Variants in ZBTB9 observed in about 807,000 individuals in gnomAD.
The protein encoded by ZBTB9 is zinc finger and BTB domain containing 9.
Under a neutral mutation model 26.3 loss-of-function variants are expected in ZBTB9, and 17 were observed. That is an observed-to-expected ratio of 0.65 (90% confidence interval 0.44 to 0.97). ZBTB9 has a LOEUF of 0.97. Among genes scored for constraint, ZBTB9 ranks in the 50% least tolerant of loss-of-function variants. The pLI, the probability that ZBTB9 is intolerant of heterozygous loss-of-function variation, is 0.00. For missense variants in ZBTB9, 510 were observed against 594.2 expected (o/e 0.86, Z 1.47); for synonymous variants, 226 against 234.3 (o/e 0.96, Z 0.32).
chr6:33,455,695 G>A lies in ZBTB9; in HGVS notation c.595G>A (p.Glu199Lys). The change falls in exon 2 of 2, where the codon GAG becomes AAG. Residue 199 changes from glutamate (E) to lysine (K), a missense_variant. Transcript: ENST00000395064. ...PASTESPVGGEGSELGEVLQI... is the reference protein window; with the variant it reads ...PASTESPVGGKGSELGEVLQI... ...TTCCACTGAGAGCCCTGTGGGAGGG[G>A]AGGGAAGTGAACTGGGAGAAGTGCT... 1 of 1,614,210 alleles carries A rather than the reference G, an allele frequency of 6.2e-7. No individual in the cohort carries two copies. The highest frequency in any genetic ancestry group is 1.3e-5 in the African/African-American group (1 of 75,056).
rs748613142 is a variant in ZBTB9 at position 33,455,389 on chromosome 6, G to A, written c.289G>A (p.Glu97Lys). 2 of 1,614,070 alleles carry A rather than the reference G, an allele frequency of 1.2e-6. No homozygotes were observed. The highest frequency in any genetic ancestry group is 1.1e-5 in the South Asian group (1 of 91,076). ...GAGTGTCATTGAAGCCGATGCCTTC[G>A]AGGGGCTGCTCCAGCTCATTTATTC... is the stretch of plus-strand genomic sequence containing the variant. ...LPSVIEADAF[E>K]GLLQLIYSGR... Residue 97 changes from glutamate (E) to lysine (K), a missense_variant, in exon 2 of 2, where the codon GAG (glutamate) becomes AAG (lysine). Glu to Lys is a moderately conservative substitution (Grantham distance 56). This residue lies in a region of ZBTB9 where 439 missense variants were observed against 460.4 expected (regional missense o/e 0.95). Coordinates refer to ENST00000395064, the MANE Select transcript of ZBTB9 (RefSeq NM_152735.4).
At chr6:33,453,652 G>GA (rs1049438588), upstream of ZBTB9, 1 of 151,294 alleles carries the variant, frequency 6.6e-6, no homozygotes, top group Admixed American at 6.6e-5. Flanking sequence ...TGGTGAAACA[G>GA]AAAAAAACAT....
upstream of ZBTB9, chr6:33,453,806 A>T (rs945253567): frequency 2.0e-5 from 3 of 151,238 alleles, no homozygotes; most frequent in African/African-American, 7.3e-5. Context: ...CTGATGCCAC[A>T]CTCTCCTCAT....
rs1376455729 is a variant in ZBTB9 at position 33,454,696 on chromosome 6, G to A, written c.-151G>A. 2.1e-5 allele frequency: 5 copies of A among 243,254 alleles called. No individual in the cohort carries two copies. Among genetic ancestry groups the A allele is most frequent in the Non-Finnish European group, 4.0e-5 (5 of 126,554 alleles). The allele number at this position is 243,254 out of a possible 1,614,324, so 15.1% of individuals were successfully genotyped here. ...GGGCCGGGACTCGCGGTGTCCGGGTGACCGCGGCTTCCCGGGAGCAGACCT... is the reference window on the plus strand; with the variant it reads ...GGGCCGGGACTCGCGGTGTCCGGGTAACCGCGGCTTCCCGGGAGCAGACCT... On this transcript the variant is annotated 5_prime_UTR_variant, in exon 1 of 2. Transcript: ENST00000395064.
chr6:33,457,223 C>A lies in ZBTB9; in HGVS notation c.*701C>A, dbSNP rs897372670. 4 of 167,082 alleles carry A rather than the reference C, an allele frequency of 2.4e-5. No individual in the cohort carries two copies. Among genetic ancestry groups the A allele is most frequent in the Non-Finnish European group, 5.9e-5 (4 of 68,150 alleles). 10.3% of individuals were successfully genotyped at this position (167,082 alleles called of 1,614,324 possible). On this transcript the variant is annotated 3_prime_UTR_variant, in exon 2 of 2. Coordinates refer to ENST00000395064, the MANE Select transcript of ZBTB9 (RefSeq NM_152735.4). Reference sequence around the variant, plus strand: ...TGTGCCTCTGGTCTACCTTTGACCACCACTGATAACTAATATATTGGTCAC... The same window carrying A: ...TGTGCCTCTGGTCTACCTTTGACCAACACTGATAACTAATATATTGGTCAC...
In ZBTB9 at chr6:33,455,055, C is replaced by G. The variant is rs1234966649; in HGVS notation, c.-46C>G. On this transcript the variant is annotated 5_prime_UTR_variant, in exon 2 of 2. Transcript: ENST00000395064. ...CCTTCATCCCGCGTGGAGTCTACCC[C>G]CAAGCCCTTCTCCTCTTCCCAATTC... 4 of 1,545,020 alleles carry G rather than the reference C, an allele frequency of 2.6e-6. No individual in the cohort carries two copies. The highest frequency in any genetic ancestry group is 3.9e-5 in the Admixed American group (2 of 51,358).
Position 33,456,849 on chromosome 6 carries a change from T to C in ZBTB9, c.*327T>C. ...GGAAACCAGATTTTCAATTATTTAGTGAGAGAAGAGTTAGAGCAAAAGACA... is the reference window on the plus strand; with the variant it reads ...GGAAACCAGATTTTCAATTATTTAGCGAGAGAAGAGTTAGAGCAAAAGACA... On this transcript the variant is annotated 3_prime_UTR_variant, in exon 2 of 2. Transcript: ENST00000395064. This position sits in a 1 kb window ranked among gnomAD's most constrained non-coding sequence, Gnocchi z 5.1. The C allele has an allele frequency of 3.2e-6, 1 of 315,138 alleles. No homozygotes were observed. The highest frequency in any genetic ancestry group is 6.2e-6 in the Non-Finnish European group (1 of 162,294). The allele number at this position is 315,138 out of a possible 1,614,324, so 19.5% of individuals were successfully genotyped here.
At position 33,456,187 on chromosome 6, in the gene ZBTB9, G is replaced by C. The variant is rs767399948; in HGVS notation, c.1087G>C (p.Ala363Pro). 6.2e-7 allele frequency: 1 copy of C among 1,608,612 alleles called. No individual in the cohort carries two copies. The highest frequency in any genetic ancestry group is 8.5e-7 in the Non-Finnish European group (1 of 1,177,366). Residue 363 changes from alanine (A) to proline (P), a missense_variant, in exon 2 of 2, where the codon GCA becomes CCA. Ala to Pro is a conservative substitution (Grantham distance 27). Around this residue, in one of 2 missense-constraint regions of ZBTB9, gnomAD observed 439 missense variants for 460.4 expected, o/e 0.95. Transcript: ENST00000395064. The surrounding 1 kb of genome is among the most constrained non-coding windows in gnomAD (Gnocchi z 5.1). ...GTCAGGGGGTGGAGGACCTGGGGGA[G>C]CAGGCCAGGCCGTGCATGGGCCTGT... ...ILSGGGGPGG[A>P]GQAVHGPVKL...
rs771693572 is a variant in ZBTB9, at chr6:33,456,167, G to C, written c.1067G>C (p.Gly356Ala). 5.0e-6 allele frequency: 8 copies of C among 1,609,054 alleles called. No individual in the cohort carries two copies. In the East Asian group the frequency reaches 8.9e-5, roughly 18 times the overall value. ...VDLHGNEILS[G>A]GGGPGGAGQA... ...CTTCATGGGAATGAAATCCTGTCAGGGGGTGGAGGACCTGGGGGAGCAGGC... is the reference window on the plus strand; with the variant it reads ...CTTCATGGGAATGAAATCCTGTCAGCGGGTGGAGGACCTGGGGGAGCAGGC... Residue 356 changes from glycine to alanine, a missense_variant, in exon 2 of 2, where the codon GGG (glycine) becomes GCG (alanine). Transcript: ENST00000395064. The surrounding 1 kb of genome is among the most constrained non-coding windows in gnomAD (Gnocchi z 5.1).
At position 33,456,231 on chromosome 6, in the gene ZBTB9, C is replaced by T. The variant is rs746193598; in HGVS notation, c.1131C>T (p.Pro377=). 23 of 1,612,710 alleles carry T rather than the reference C, an allele frequency of 1.4e-5. No homozygotes were observed. Among genetic ancestry groups the T allele is most frequent in the Non-Finnish European group, 1.9e-5 (22 of 1,179,604 alleles). The change falls in exon 2 of 2, where the codon CCC becomes CCT. Residue 377 remains proline (P), a synonymous_variant. Coordinates refer to ENST00000395064, the MANE Select transcript of ZBTB9 (RefSeq NM_152735.4). This position sits in a 1 kb window ranked among gnomAD's most constrained non-coding sequence, Gnocchi z 5.1. ...GGCCTGTGAAGCTAGGGGGGACACCCCCTGCAGATGGAAAACGCTTTGGTT... is the reference window on the plus strand; with the variant it reads ...GGCCTGTGAAGCTAGGGGGGACACCTCCTGCAGATGGAAAACGCTTTGGTT... ...VHGPVKLGGT[P]PADGKRFGCL...
Position 33,455,150 on chromosome 6 carries a change from A to G in ZBTB9, c.50A>G (p.Asn17Ser). Residue 17 changes from asparagine (N) to serine (S), a missense_variant, in exon 2 of 2, where the codon AAC becomes AGC. Asn to Ser is a conservative substitution (Grantham distance 46). This residue lies in a region of ZBTB9 where 439 missense variants were observed against 460.4 expected (regional missense o/e 0.95). Transcript: ENST00000395064. ...LPPVPASPTC[N>S]PAPRTIQIEF... The stretch of plus-strand genomic sequence containing the variant: ...CCTGTACCCGCCTCCCCGACCTGCA[A>G]CCCAGCCCCACGGACAATCCAGATC... 6.2e-7 allele frequency: 1 copy of G among 1,613,276 alleles called. No homozygotes were observed. The highest frequency in any genetic ancestry group is 8.5e-7 in the Non-Finnish European group (1 of 1,179,618).
At position 33,457,142 on chromosome 6, in the gene ZBTB9, C is replaced by G; in HGVS notation, c.*620C>G. On this transcript the variant is annotated 3_prime_UTR_variant, in exon 2 of 2. Coordinates refer to ENST00000395064, the MANE Select transcript of ZBTB9 (RefSeq NM_152735.4). ...TAGCTGAGCACTTTAACAAGTTGAG[C>G]ATTCCATGTTTCATTCTTAGAACCT... 6.0e-6 allele frequency: 1 copy of G among 167,168 alleles called. No individual in the cohort carries two copies. The highest frequency in any genetic ancestry group is 1.9e-4 in the East Asian group (1 of 5,208). 10.4% of individuals were successfully genotyped at this position (167,168 alleles called of 1,614,324 possible).
rs200956170 is a variant in ZBTB9 at position 33,455,924 on chromosome 6, C to T, written c.824C>T (p.Pro275Leu). 5 of 1,612,548 alleles carry T rather than the reference C, an allele frequency of 3.1e-6. No individual in the cohort carries two copies. The highest frequency in any genetic ancestry group is 4.2e-6 in the Non-Finnish European group (5 of 1,179,230). The change falls in exon 2 of 2, where the codon CCT becomes CTT. Residue 275 changes from proline to leucine, a missense_variant. Around this residue, in one of 2 missense-constraint regions of ZBTB9, gnomAD observed 439 missense variants for 460.4 expected, o/e 0.95. Coordinates refer to ENST00000395064, the MANE Select transcript of ZBTB9 (RefSeq NM_152735.4). ...AGTGCACCACTTGAGCTTCCTGCCC[C>T]TCCTGCACTGCCCCCCAAAATCTTC... Reference protein sequence around the residue: ...GESAPLELPAPPALPPKIFYI... With the variant: ...GESAPLELPALPALPPKIFYI...
rs768701901 is a variant in ZBTB9, at chr6:33,455,622, G to A, written c.522G>A (p.Ser174=). The change falls in exon 2 of 2, where the codon TCG becomes TCA. Residue 174 remains serine, a synonymous_variant. Coordinates refer to ENST00000395064, the MANE Select transcript of ZBTB9 (RefSeq NM_152735.4). ...SSTGGWCIRS[S]PFQTPVQSSA... is the part of the protein sequence containing the mutation. ...CAGGAGGCTGGTGCATTCGCTCTTC[G>A]CCTTTCCAGACCCCAGTACAGTCCT... The A allele has an allele frequency of 2.5e-6, 4 of 1,613,914 alleles. No individual in the cohort carries two copies. Among genetic ancestry groups the A allele is most frequent in the Non-Finnish European group, 3.4e-6 (4 of 1,179,898 alleles).
chr6:33,455,939 C>T lies in ZBTB9; in HGVS notation c.839C>T (p.Pro280Leu), dbSNP rs1466836900. The change falls in exon 2 of 2, where the codon CCC becomes CTC. Residue 280 changes from proline (P) to leucine (L), a missense_variant. By Grantham distance (98) the Pro-to-Leu change is moderately conservative. Transcript: ENST00000395064. ...LELPAPPALP[P>L]KIFYIKQEPF... ...CTTCCTGCCCCTCCTGCACTGCCCC[C>T]CAAAATCTTCTACATTAAGCAGGAA... 1.2e-6 allele frequency: 2 copies of T among 1,612,084 alleles called. No homozygotes were observed. Among genetic ancestry groups the T allele is most frequent in the African/African-American group, 1.3e-5 (1 of 74,902 alleles).
rs942314289 is a variant in ZBTB9 at position 33,456,452 on chromosome 6, C to G, written c.1352C>G (p.Ala451Gly). 1 of 1,613,982 alleles carries G rather than the reference C, an allele frequency of 6.2e-7. No individual in the cohort carries two copies. The change falls in exon 2 of 2, where the codon GCC (alanine) becomes GGC (glycine). Residue 451 changes from alanine to glycine, a missense_variant. Transcript: ENST00000395064. The surrounding 1 kb of genome is among the most constrained non-coding windows in gnomAD (Gnocchi z 5.1). ...TGTGGCCGTCGGTTCCGAGTCCATG[C>G]CTGTTTTCTCCGCCACCGGGACCTA... ...PHCGRRFRVH[A>G]CFLRHRDLCK...
rs1582010303 is a variant in ZBTB9, at chr6:33,454,654, CG to C, written c.-191del. 5.0e-6 allele frequency: 1 copy of C among 199,784 alleles called. No homozygotes were observed. The highest frequency in any genetic ancestry group is 1.0e-5 in the Non-Finnish European group (1 of 98,770). The allele number at this position is 199,784 out of a possible 1,614,324, so 12.4% of individuals were successfully genotyped here. A position where few individuals can be genotyped will look rare whatever the true frequency, so the allele number is the denominator to read the frequency against. ...CGCGTGTGTAACGGCGGGGGCGTGT[CG>C]GCGGGAAGGACAATCGGGCCGGGAC... On this transcript the variant is annotated 5_prime_UTR_variant, in exon 1 of 2. Transcript: ENST00000395064.
In ZBTB9 at chr6:33,454,580, T is replaced by A. The variant is rs1333080512; in HGVS notation, c.-267T>A. Reference sequence around the variant, plus strand: ...GGTGTCCGGCGGGGAGGCGGCGGCTTCCGGTCTGGGACGGAGCTGTAGCGG... The same window carrying A: ...GGTGTCCGGCGGGGAGGCGGCGGCTACCGGTCTGGGACGGAGCTGTAGCGG... On this transcript the variant is annotated 5_prime_UTR_variant, in exon 1 of 2. Transcript: ENST00000395064. 1 of 161,264 alleles carries A rather than the reference T, an allele frequency of 6.2e-6. No homozygotes were observed. The highest frequency in any genetic ancestry group is 1.3e-5 in the Non-Finnish European group (1 of 74,204). The allele number at this position is 161,264 out of a possible 1,614,324, so 10.0% of individuals were successfully genotyped here.
At position 33,455,798 on chromosome 6, in the gene ZBTB9, A is replaced by G; in HGVS notation, c.698A>G (p.Gln233Arg). The G allele has an allele frequency of 6.2e-7, 1 of 1,611,556 alleles. No individual in the cohort carries two copies. The highest frequency in any genetic ancestry group is 8.5e-7 in the Non-Finnish European group (1 of 1,178,486). The change falls in exon 2 of 2, where the codon CAG becomes CGG. Residue 233 changes from glutamine to arginine, a missense_variant. By Grantham distance (43) the Gln-to-Arg change is conservative. Transcript: ENST00000395064. Reference protein sequence around the residue: ...DEDQGSATLSQTPQPQRVSGV... With the variant: ...DEDQGSATLSRTPQPQRVSGV... ...GACCAGGGGTCAGCCACACTCTCTC[A>G]GACTCCTCAGCCCCAGAGAGTATCA...
Sources: allele counts gnomAD v4.1 joint callset, GRCh38; gene constraint gnomAD v4.1.1; regional missense constraint gnomAD v4.1.1; non-coding constraint Gnocchi (gnomAD v3.1); transcripts MANE v1.5; gene names NCBI Gene and HGNC (gene_info 2026-07-23, HGNC 2026-07-21).